Variants in PRR12 observed in about 807,000 individuals in gnomAD.
The protein encoded by PRR12 is proline-rich protein 12.
A neutral mutation model predicts 138.0 loss-of-function variants in PRR12; 12 were observed. The ratio of observed to expected loss-of-function variants is 0.09; its 90% confidence interval spans 0.06 to 0.14. PRR12 has a LOEUF of 0.14. Ranked by LOEUF, PRR12 falls within the 10% of genes least tolerant of loss-of-function variation. The pLI is 1.00. For missense variants in PRR12, 2,692 were observed against 2,861.3 expected (o/e 0.94, Z 1.35); for synonymous variants, 1,567 against 1,291.7 (o/e 1.21, Z -4.57).
At chr19:49,592,522 T>G (rs1219429367) in intron 1 of PRR12, among the ~76,000 whole-genome samples, 1 of 152,014 alleles carries the variant, frequency 6.6e-6, no homozygotes, top group Non-Finnish European at 1.5e-5. Flanking sequence ...TTCCTGTTGC[T>G]TATTGGTGTG....
rs1023058020 is a variant in PRR12, at chr19:49,591,591, G to A, written c.-64G>A. 381 of 495,138 alleles carry A rather than the reference G, an allele frequency of 7.7e-4. No individual in the cohort carries two copies. The highest frequency in any genetic ancestry group is 2.0e-3 in the Admixed American group (43 of 21,886). 30.7% of individuals were successfully genotyped at this position (495,138 alleles called of 1,614,324 possible). A position where few individuals can be genotyped will look rare whatever the true frequency, so the allele number is the denominator to read the frequency against. The stretch of plus-strand genomic sequence containing the variant: ...GGAGGGAGCGGCGGCGGAGGAGAGC[G>A]CGCGCGCGCCCCCTCCCTCCCTCCC... On this transcript the variant is annotated 5_prime_UTR_variant, in exon 1 of 14. Coordinates refer to ENST00000418929, the MANE Select transcript of PRR12 (RefSeq NM_020719.3).
chr19:49,620,289 C>G, intron 9 of PRR12, 63 bp from the exon 10 acceptor site: 2 of 1,599,920 alleles, frequency 1.3e-6, no homozygotes, highest in Non-Finnish European at 1.7e-6. Flanking sequence ...AGAACAGTGT[C>G]TGCCACACAG....
intron 10 of PRR12, 110 bp downstream of exon 10, chr19:49,620,587 G>A: frequency 6.9e-7 from 1 of 1,440,662 alleles, no homozygotes; most frequent in Non-Finnish European, 9.4e-7. Flanking sequence ...CGGGACTCCT[G>A]AGTCTGAGGG....
In PRR12 at chr19:49,594,146, T is replaced by G. The variant is rs981949717; in HGVS notation, c.200-308T>G. ...TCCCTCCCAGCCTTACTGAGGACTC[T>G]GTTCTTTTGCTCCTGGCTCTTTCGC... On this transcript the variant is annotated intron_variant, in intron 2 of 13. Transcript: ENST00000418929. This position sits in a 1 kb window ranked among gnomAD's most constrained non-coding sequence, Gnocchi z 5.6. Among the ~76,000 whole-genome samples the G allele has an allele frequency of 6.6e-6, 1 of 152,252 alleles. No homozygotes were observed. Among genetic ancestry groups the G allele is most frequent in the African/African-American group, 2.4e-5 (1 of 41,458 alleles).
Position 49,597,382 on chromosome 19 carries a change from C to T in PRR12, c.3047C>T (p.Pro1016Leu), listed in dbSNP as rs1279831859. The change falls in exon 4 of 14, where the codon CCT becomes CTT. Residue 1016 changes from proline (P) to leucine (L), a missense_variant. Transcript: ENST00000418929. The surrounding 1 kb of genome is among the most constrained non-coding windows in gnomAD (Gnocchi z 6.3). ...CTGGGCCTGGACCCCAACAAACCGC[C>T]TGAACTGCCCTCCACGGTCAACGCC... is the stretch of plus-strand genomic sequence containing the variant. ...PGLGLDPNKPPELPSTVNAEP... is the reference protein window; with the variant it reads ...PGLGLDPNKPLELPSTVNAEP... 6.5e-7 allele frequency: 1 copy of T among 1,537,786 alleles called. No homozygotes were observed. Among genetic ancestry groups the T allele is most frequent in the South Asian group, 1.2e-5 (1 of 84,044 alleles).
chr19:49,597,407 C>T lies in PRR12; in HGVS notation c.3072C>T (p.Ala1024=), dbSNP rs59504733. 1.5e-3 allele frequency: 2,281 copies of T among 1,537,806 alleles called. 37 individuals are homozygous for T. The African/African-American group carries it at 0.027, about 19-fold the overall frequency. ...KPPELPSTVN[A]EPLGLIQSGP... Reference sequence around the variant, plus strand: ...CTGAACTGCCCTCCACGGTCAACGCCGAGCCGCTGGGCCTGATCCAGAGTG... The same window carrying T: ...CTGAACTGCCCTCCACGGTCAACGCTGAGCCGCTGGGCCTGATCCAGAGTG... The change falls in exon 4 of 14, where the codon GCC becomes GCT. Residue 1024 remains alanine, a synonymous_variant. Coordinates refer to ENST00000418929, the MANE Select transcript of PRR12 (RefSeq NM_020719.3). This position sits in a 1 kb window ranked among gnomAD's most constrained non-coding sequence, Gnocchi z 6.3.
chr19:49,614,059 A>G lies in PRR12; in HGVS notation c.4774-474A>G, dbSNP rs915000781. ...GGGAGGCGGAGGTCGCAGTGAGCTG[A>G]GATTGCGCCACTGCACTCCAACCTG... On this transcript the variant is annotated intron_variant, in intron 6 of 13. Transcript: ENST00000418929. The surrounding 1 kb of genome is among the most constrained non-coding windows in gnomAD (Gnocchi z 5.0). Among the ~76,000 whole-genome samples the G allele has an allele frequency of 6.6e-6, 1 of 152,178 alleles. No homozygotes were observed. The highest frequency in any genetic ancestry group is 6.6e-5 in the Admixed American group (1 of 15,264).
At chr19:49,606,284 G>A (rs191763612) in intron 6 of PRR12, among the ~76,000 whole-genome samples, 1 of 151,348 alleles carries the variant, frequency 6.6e-6, no homozygotes, top group Admixed American at 6.6e-5. Context: ...GATTGCCGGT[G>A]TGAGCCACTG....
At chr19:49,604,171 C>T (rs1165815742) in intron 6 of PRR12, among the ~76,000 whole-genome samples, 4 of 151,980 alleles carry the variant, frequency 2.6e-5, no homozygotes, top group African/African-American at 4.8e-5. Flanking sequence ...TGTATTTTTT[C>T]CTGTGTTATT....
Position 49,594,529 on chromosome 19 carries a change from T to C in PRR12, c.275T>C (p.Ile92Thr), listed in dbSNP as rs2080751062. 1 of 1,612,904 alleles carries C rather than the reference T, an allele frequency of 6.2e-7. No homozygotes were observed. The highest frequency in any genetic ancestry group is 1.7e-5 in the Admixed American group (1 of 59,954). The stretch of plus-strand genomic sequence containing the variant: ...CCCGACGCCTCCGTCATGAACCTTA[T>C]CTCGGCCCTGGAATCCCGGGGCCCC... The part of the protein sequence containing the change: ...AGPDASVMNL[I>T]SALESRGPQP... The change falls in exon 3 of 14, where the codon ATC becomes ACC. Residue 92 changes from isoleucine (I) to threonine (T), a missense_variant. Physicochemically the swap from Ile to Thr is moderately conservative, Grantham distance 89 (BLOSUM62 -1). Transcript: ENST00000418929. This position sits in a 1 kb window ranked among gnomAD's most constrained non-coding sequence, Gnocchi z 5.6.
intron 6 of PRR12, among the ~76,000 whole-genome samples, chr19:49,610,546 A>ATTTTT (rs922178889): frequency 5.8e-5 from 7 of 121,636 alleles, no homozygotes; most frequent in African/African-American, 1.8e-4. Flanking sequence ...CCCTGTTCCT[A>ATTTTT]TTTTTTTTTT....
intron 6 of PRR12, among the ~76,000 whole-genome samples, chr19:49,611,335 A>G (rs2080864794): frequency 6.6e-6 from 1 of 151,844 alleles, no homozygotes; most frequent in Non-Finnish European, 1.5e-5. Context: ...TCTCACAAAA[A>G]CAAAGAACAA....
At chr19:49,592,123 GAAGA>G (rs1484068120) in intron 1 of PRR12, among the ~76,000 whole-genome samples, 1 of 151,958 alleles carries the variant, frequency 6.6e-6, no homozygotes, top group Non-Finnish European at 1.5e-5. Flanking sequence ...GGGAAGAAGA[GAAGA>G]ATTAGAACGC....
chr19:49,612,228 C>CAAAA (rs1170293912), intron 6 of PRR12, among the ~76,000 whole-genome samples: 1 of 53,446 alleles, frequency 1.9e-5, no homozygotes, highest in African/African-American at 6.7e-5. Context: ...GACTCTGTCT[C>CAAAA]AAAAAAAAAA....
In PRR12 at chr19:49,599,867, C is replaced by A. The variant is rs1447289341; in HGVS notation, c.4274C>A (p.Ala1425Asp). The stretch of plus-strand genomic sequence containing the variant: ...TCCACCCCAGATGGGCCGCCCTTGG[C>A]CCCCGCGGCTGCAGTTCCAGGGCCA... ...DTSTPDGPPLAPAAAVPGPPP... is the reference protein window; with the variant it reads ...DTSTPDGPPLDPAAAVPGPPP... The change falls in exon 5 of 14, where the codon GCC becomes GAC. Residue 1425 changes from alanine to aspartate, a missense_variant. By Grantham distance (126) the Ala-to-Asp change is moderately radical (BLOSUM62 -2). This residue lies in a region of PRR12 where 231 missense variants were observed against 200.8 expected (regional missense o/e 1.15). Transcript: ENST00000418929. This position sits in a 1 kb window ranked among gnomAD's most constrained non-coding sequence, Gnocchi z 5.0. The A allele has an allele frequency of 6.2e-7, 1 of 1,612,750 alleles. No individual in the cohort carries two copies. Among genetic ancestry groups the A allele is most frequent in the East Asian group, 2.2e-5 (1 of 44,902 alleles).
Position 49,595,552 on chromosome 19 carries a change from C to T in PRR12, c.1217C>T (p.Pro406Leu), listed in dbSNP as rs764744718. The T allele has an allele frequency of 3.8e-6, 6 of 1,583,974 alleles. No homozygotes were observed. The African/African-American group carries it at 4.0e-5, about 11-fold the overall frequency. ...YGAAAGGATRPPPPRSTATPK... is the reference protein window; with the variant it reads ...YGAAAGGATRLPPPRSTATPK... ...GCAGCTGCCGGGGGTGCCACCAGGCCCCCCCCACCCCGTTCGACCGCCACC... is the reference window on the plus strand; with the variant it reads ...GCAGCTGCCGGGGGTGCCACCAGGCTCCCCCCACCCCGTTCGACCGCCACC... The change falls in exon 4 of 14, where the codon CCC becomes CTC. Residue 406 changes from proline to leucine, a missense_variant. By Grantham distance (98) the Pro-to-Leu change is moderately conservative. Around this residue, in one of 11 missense-constraint regions of PRR12, gnomAD observed 523 missense variants for 496.4 expected, o/e 1.05. Transcript: ENST00000418929.
At position 49,625,128 on chromosome 19, in the gene PRR12, G is replaced by A. The variant is rs1300258815; in HGVS notation, c.5892G>A (p.Lys1964=). ...RAQEFKVELE[K]SGYYTLYHSL... The stretch of plus-strand genomic sequence containing the variant: ...AGGAGTTCAAGGTTGAGCTGGAAAA[G>A]TCGGGATACTATACACTCTACCATT... Residue 1964 remains lysine (K), a synonymous_variant, in exon 13 of 14, where the codon AAG becomes AAA. Coordinates refer to ENST00000418929, the MANE Select transcript of PRR12 (RefSeq NM_020719.3). The surrounding 1 kb of genome is among the most constrained non-coding windows in gnomAD (Gnocchi z 5.5). 4.3e-6 allele frequency: 7 copies of A among 1,613,606 alleles called. No homozygotes were observed. Among genetic ancestry groups the A allele is most frequent in the African/African-American group, 2.7e-5 (2 of 74,852 alleles).
rs2080753901 is a variant in PRR12, at chr19:49,594,852, C to T, written c.517C>T (p.Pro173Ser). The change falls in exon 4 of 14, where the codon CCC becomes TCC. Residue 173 changes from proline (P) to serine (S), a missense_variant. Transcript: ENST00000418929. This position sits in a 1 kb window ranked among gnomAD's most constrained non-coding sequence, Gnocchi z 5.6. Reference protein sequence around the residue: ...PVPSSLSLQDPPFSPPANGLL... With the variant: ...PVPSSLSLQDSPFSPPANGLL... The stretch of plus-strand genomic sequence containing the variant: ...GCCCTCGTCCCTCAGCCTCCAGGAC[C>T]CCCCATTCAGCCCTCCAGCTAACGG... 2 of 1,611,452 alleles carry T rather than the reference C, an allele frequency of 1.2e-6. No homozygotes were observed. Among genetic ancestry groups the T allele is most frequent in the Non-Finnish European group, 8.5e-7 (1 of 1,179,078 alleles).
chr19:49,595,881 G>A lies in PRR12; in HGVS notation c.1546G>A (p.Gly516Arg), dbSNP rs2080764388. Residue 516 changes from glycine (G) to arginine (R), a missense_variant, in exon 4 of 14, where the codon GGG (glycine) becomes AGG (arginine). Coordinates refer to ENST00000418929, the MANE Select transcript of PRR12 (RefSeq NM_020719.3). ...TGGGGTGCAGGGCGAGCCATACCCA[G>A]GGCCAGCCGCCCACTCCCAGGGGCT... ...LYGVQGEPYP[G>R]PAAHSQGLPT... The A allele has an allele frequency of 4.4e-6, 7 of 1,603,532 alleles. No individual in the cohort carries two copies. The highest frequency in any genetic ancestry group is 5.1e-6 in the Non-Finnish European group (6 of 1,179,402).
Sources: gnomAD v4.1 joint callset for allele counts (sites outside exome capture counted in the v4.1 genomes callset) on GRCh38, gnomAD v4.1.1 for gene constraint, gnomAD v4.1.1 regional missense constraint, Gnocchi (gnomAD v3.1) non-coding constraint, MANE v1.5 for transcripts, NCBI Gene and HGNC (gene_info 2026-07-23, HGNC 2026-07-21) for gene names.